The following ANK3 variants were observed in gnomAD, a reference collection of about 807,000 sequenced individuals.
ANK3 encodes ankyrin-3.
ANK3 carries 57 observed loss-of-function variants against 370.9 expected under a neutral mutation model. The observed-to-expected ratio is 0.15, with a 90% CI of 0.12 to 0.19. ANK3 has a LOEUF of 0.19. Among genes scored for constraint, ANK3 ranks in the 10% least tolerant of loss-of-function variants. The pLI, the probability that ANK3 is intolerant of heterozygous loss-of-function variation, is 1.00. For synonymous variants in ANK3, 1,929 were observed against 1,946.3 expected (o/e 0.99, Z 0.23); for missense variants, 4,439 against 5,302.1 (o/e 0.84, Z 5.06).
chr10:60,475,831 C>A (rs968771594), intron 2 of ANK3, among the ~76,000 whole-genome samples: 1 of 152,068 alleles, frequency 6.6e-6, no homozygotes, highest in Non-Finnish European at 1.5e-5. Context: ...GAGTCGCTTT[C>A]GAAAAAATCT....
At chr10:60,318,651 G>A (rs2047980542) in intron 1 of ANK3, among the ~76,000 whole-genome samples, 1 of 152,164 alleles carries the variant, frequency 6.6e-6, no homozygotes. Flanking sequence ...GGCCATTGGG[G>A]AGAGGAGGGG....
intron 2 of ANK3, among the ~76,000 whole-genome samples, chr10:60,590,085 C>T (rs1001935491): frequency 6.6e-6 from 1 of 152,176 alleles, no homozygotes; most frequent in Non-Finnish European, 1.5e-5. Context: ...CTGTATTTCT[C>T]CTTCCAGGTG....
In ANK3 at chr10:60,198,302, G is replaced by T. The variant is rs372100773; in HGVS notation, c.1689+38C>A. ...GGGGAAACGTAAGGAAGATGTATTTGGGGGGACAGAGCAGGATTCTGAGAT... is the reference window on the plus strand; with the variant it reads ...GGGGAAACGTAAGGAAGATGTATTTTGGGGGACAGAGCAGGATTCTGAGAT... On this transcript the variant is annotated intron_variant, in intron 14 of 43. Coordinates refer to ENST00000280772, the MANE Select transcript of ANK3 (RefSeq NM_020987.5). 1.3e-5 allele frequency: 21 copies of T among 1,599,302 alleles called. 1 individual carries two copies. The highest frequency in any genetic ancestry group is 1.2e-4 in the South Asian group (11 of 90,696).
intron 4 of ANK3, among the ~76,000 whole-genome samples, chr10:60,276,035 G>A (rs536691107): frequency 6.6e-6 from 1 of 152,148 alleles, no homozygotes; most frequent in East Asian, 1.9e-4. Context: ...ATGATTACTG[G>A]AATGTTAAGT....
intron 2 of ANK3, among the ~76,000 whole-genome samples, chr10:60,479,833 A>G (rs1205939381): frequency 6.6e-6 from 1 of 152,202 alleles, no homozygotes; most frequent in Non-Finnish European, 1.5e-5. Flanking sequence ...CCAGAATTTC[A>G]CAACGCTTTT....
At position 60,701,062 on chromosome 10, in the gene ANK3, GAAC is replaced by G. The variant is rs368653230; in HGVS notation, c.57+32198_57+32200del. Reference sequence around the variant, plus strand: ...ATTTGTTATACATAAATAATTTATAGAACAATAGAGAAAAAAGATATTGTTTAA... The same window carrying G: ...ATTTGTTATACATAAATAATTTATAGAATAGAGAAAAAAGATATTGTTTAA... On this transcript the variant is annotated intron_variant, in intron 1 of 43. Transcript: ENST00000373827. Among the ~76,000 whole-genome samples the G allele has an allele frequency of 2.8e-3, 422 of 151,920 alleles. 1 individual carries two copies. The highest frequency in any genetic ancestry group is 9.9e-3 in the African/African-American group (409 of 41,482).
chr10:60,378,950 A>C (rs553518999), intron 1 of ANK3, among the ~76,000 whole-genome samples: 1 of 152,248 alleles, frequency 6.6e-6, no homozygotes, highest in South Asian at 2.1e-4. Context: ...AAATATTTGC[A>C]AACTACTCAG....
At chr10:60,344,887 G>C (rs903423082) in intron 1 of ANK3, among the ~76,000 whole-genome samples, 24 of 152,280 alleles carry the variant, frequency 1.6e-4, no homozygotes, top group African/African-American at 5.3e-4. Flanking sequence ...TTAAAGAAAT[G>C]TGTTGCGTGT....
At chr10:60,264,424 T>C (rs2097849982) in intron 5 of ANK3, among the ~76,000 whole-genome samples, 4 of 152,078 alleles carry the variant, frequency 2.6e-5, no homozygotes, top group Admixed American at 2.6e-4. Flanking sequence ...GGCGGCCAGA[T>C]TGCCAGAGGT....
chr10:60,370,599 G>A (rs2059979957), intron 1 of ANK3, among the ~76,000 whole-genome samples: 1 of 152,142 alleles, frequency 6.6e-6, no homozygotes, highest in East Asian at 1.9e-4. Context: ...TAACATCACA[G>A]TTCTTATCAC....
intron 1 of ANK3, among the ~76,000 whole-genome samples, chr10:60,323,965 T>C (rs565880087): frequency 3.9e-5 from 6 of 152,098 alleles, no homozygotes; most frequent in Non-Finnish European, 8.8e-5. Context: ...TAGTAAGGGA[T>C]AATGTCGTTT....
chr10:60,348,234 C>A (rs563557973), intron 1 of ANK3, among the ~76,000 whole-genome samples: 9 of 151,980 alleles, frequency 5.9e-5, no homozygotes, highest in Admixed American at 5.2e-4. Context: ...ATCTTTGAAA[C>A]CCCAGCCAGC....
Position 60,298,238 on chromosome 10 carries a change from C to T in ANK3, c.115-18599G>A, listed in dbSNP as rs1047713910. Reference sequence around the variant, plus strand: ...TTAAACTTTAAAGTTAACTTTTCATCAATCATTTATGTCAAAACTAGTTCT... The same window carrying T: ...TTAAACTTTAAAGTTAACTTTTCATTAATCATTTATGTCAAAACTAGTTCT... On this transcript the variant is annotated intron_variant, in intron 1 of 43. Transcript: ENST00000280772. 5.9e-5 allele frequency among the ~76,000 whole-genome samples: 9 copies of T among 152,032 alleles called. 1 individual carries two copies. The highest frequency in any genetic ancestry group is 2.2e-4 in the African/African-American group (9 of 41,390).
At chr10:60,440,495 T>C (rs531745292) in intron 2 of ANK3, among the ~76,000 whole-genome samples, 1 of 152,098 alleles carries the variant, frequency 6.6e-6, no homozygotes, top group Admixed American at 6.5e-5. Flanking sequence ...GCAGATCTCA[T>C]GAAAACTCAT....
At chr10:60,361,580 T>C (rs2058615156) in intron 1 of ANK3, among the ~76,000 whole-genome samples, 1 of 152,224 alleles carries the variant, frequency 6.6e-6, no homozygotes, top group Admixed American at 6.5e-5. Context: ...TATAGTTCAG[T>C]CACTTTATTC....
rs145680290 is a variant in ANK3, at chr10:60,181,094, T to C, written c.2184+235A>G. On this transcript the variant is annotated intron_variant, in intron 18 of 43. Transcript: ENST00000280772. ...TTGTAAGGAGGCTCAACAGTGTTAA[T>C]ATAGGGGGAAATTACTGTGCAGCTA... 5.8e-3 allele frequency among the ~76,000 whole-genome samples: 883 copies of C among 152,242 alleles called. 5 individuals carry two copies. The highest frequency in any genetic ancestry group is 9.6e-3 in the Non-Finnish European group (655 of 68,012).
At chr10:60,033,536 A>AAAAAAAAAAAC (rs1554812951) in intron 43 of ANK3, among the ~76,000 whole-genome samples, 13 of 98,424 alleles carry the variant, frequency 1.3e-4, no homozygotes, top group East Asian at 2.3e-4. Flanking sequence ...AAAAAAAAAA[A>AAAAAAAAAAAC]AAACTTGGAA....
intron 1 of ANK3, among the ~76,000 whole-genome samples, chr10:60,388,900 A>G (rs2062802878): frequency 6.6e-6 from 1 of 152,204 alleles, no homozygotes; most frequent in Admixed American, 6.5e-5. Flanking sequence ...AAGAGGCAAA[A>G]GGAAAGAAAG....
chr10:60,446,829 C>T (rs370687675), intron 2 of ANK3, among the ~76,000 whole-genome samples: 3 of 152,008 alleles, frequency 2.0e-5, no homozygotes, highest in Non-Finnish European at 2.9e-5. Context: ...AATGAAAATG[C>T]CTTTGAAAAA....
Sources: gnomAD v4.1 joint callset for allele counts (sites outside exome capture counted in the v4.1 genomes callset) on GRCh38, gnomAD v4.1.1 for gene constraint, MANE v1.5 for transcripts, NCBI Gene and HGNC (gene_info 2026-07-23, HGNC 2026-07-21) for gene names.